NBEA: variants seen among roughly 807,000 people sequenced by gnomAD.
NBEA encodes lysosomal-trafficking regulator 2.
A neutral mutation model predicts 343.4 loss-of-function variants in NBEA; 44 were observed. That is an observed-to-expected ratio of 0.13 (90% confidence interval 0.10 to 0.16). NBEA has a LOEUF of 0.16. Among genes scored for constraint, NBEA ranks in the 10% least tolerant of loss-of-function variants. The probability of loss-of-function intolerance (pLI) is 1.00; values close to 1 mark genes in which losing one functional copy is unlikely to be tolerated. For missense variants in NBEA, 2,555 were observed against 3,631.3 expected (o/e 0.70, Z 7.62); for synonymous variants, 1,175 against 1,238.7 (o/e 0.95, Z 1.08).
chr13:35,277,609 G>GCA (rs2034691725), intron 34 of NBEA, among the ~76,000 whole-genome samples: 8 of 19,316 alleles, frequency 4.1e-4, no homozygotes, highest in Admixed American at 1.5e-3. Flanking sequence ...CAACAAGAAA[G>GCA]AAACTCCGTC....
chr13:35,654,368 C>T (rs540345421), intron 53 of NBEA, among the ~76,000 whole-genome samples: 10 of 152,314 alleles, frequency 6.6e-5, no homozygotes, highest in East Asian at 1.9e-4. Flanking sequence ...GGGCTGCCCA[C>T]GTAACAACAT....
intron 33 of NBEA, among the ~76,000 whole-genome samples, chr13:35,222,082 T>A (rs2152762216): frequency 6.6e-6 from 1 of 152,252 alleles, no homozygotes; most frequent in East Asian, 1.9e-4. Flanking sequence ...TTTATATAGT[T>A]ATTGTGTTTA....
chr13:35,319,105 G>A (rs2152839088), intron 36 of NBEA, among the ~76,000 whole-genome samples: 1 of 152,198 alleles, frequency 6.6e-6, no homozygotes, highest in African/African-American at 2.4e-5. Context: ...ATCTCCTACA[G>A]TTCTGCTCTG....
At chr13:35,367,274 C>T (rs549549603) in intron 38 of NBEA, among the ~76,000 whole-genome samples, 1 of 151,138 alleles carries the variant, frequency 6.6e-6, no homozygotes, top group Non-Finnish European at 1.5e-5. Context: ...AACAATATTA[C>T]TATGATGTAT....
At chr13:34,969,725 A>C (rs2059939898) in intron 1 of NBEA, among the ~76,000 whole-genome samples, 1 of 151,384 alleles carries the variant, frequency 6.6e-6, no homozygotes, top group South Asian at 2.1e-4. Flanking sequence ...ACATTATCTC[A>C]TTCTTTTTTA....
At chr13:34,989,373 G>A (rs889822181) in intron 1 of NBEA, among the ~76,000 whole-genome samples, 1 of 150,990 alleles carries the variant, frequency 6.6e-6, no homozygotes, top group African/African-American at 2.4e-5. Flanking sequence ...TTCACAGGGT[G>A]TACAGGAAGC....
chr13:35,664,841 C>T (rs1409393741), intron 55 of NBEA, among the ~76,000 whole-genome samples: 2 of 152,220 alleles, frequency 1.3e-5, no homozygotes, highest in South Asian at 2.1e-4. Flanking sequence ...ACTCTCGTTA[C>T]GTTCTAAGCA....
chr13:35,232,837 A>G (rs1204266222), intron 34 of NBEA, among the ~76,000 whole-genome samples: 2 of 152,084 alleles, frequency 1.3e-5, no homozygotes, highest in Non-Finnish European at 2.9e-5. Flanking sequence ...AAGATGAAGA[A>G]CGTTGAAAAG....
intron 17 of NBEA, among the ~76,000 whole-genome samples, chr13:35,125,053 A>G (rs1349424809): frequency 2.6e-5 from 4 of 152,194 alleles, no homozygotes; most frequent in Non-Finnish European, 4.4e-5. Flanking sequence ...AACTCAGTTA[A>G]TACAAAATTA....
intron 1 of NBEA, among the ~76,000 whole-genome samples, chr13:35,025,159 G>A (rs909684593): frequency 6.6e-6 from 1 of 152,112 alleles, no homozygotes; most frequent in African/African-American, 2.4e-5. Flanking sequence ...CTTTTGCTGT[G>A]CAGAAGCTCT....
intron 35 of NBEA, among the ~76,000 whole-genome samples, chr13:35,306,354 T>A (rs1373458273): frequency 6.6e-6 from 1 of 152,118 alleles, no homozygotes; most frequent in East Asian, 1.9e-4. Flanking sequence ...CTAAAATTCC[T>A]ATTTACTAGA....
At chr13:35,284,851 A>G (rs1566566304) in intron 34 of NBEA, among the ~76,000 whole-genome samples, 1 of 152,178 alleles carries the variant, frequency 6.6e-6, no homozygotes, top group South Asian at 2.1e-4. Context: ...AAGTAAAAGA[A>G]TAGTAGAAAA....
chr13:35,489,883 G>A (rs1204064673), intron 41 of NBEA, among the ~76,000 whole-genome samples: 1 of 151,856 alleles, frequency 6.6e-6, no homozygotes, highest in Non-Finnish European at 1.5e-5. Flanking sequence ...AAGGAAATCT[G>A]AAGTTTAAAA....
At chr13:35,111,560 A>C (rs1371612995) in intron 13 of NBEA, among the ~76,000 whole-genome samples, 1 of 152,068 alleles carries the variant, frequency 6.6e-6, no homozygotes, top group Non-Finnish European at 1.5e-5. Flanking sequence ...ATATATAAAA[A>C]TATTTAAACT....
chr13:34,958,543 GTAA>G (rs770385819), intron 1 of NBEA, among the ~76,000 whole-genome samples: 4 of 140,492 alleles, frequency 2.8e-5, no homozygotes, highest in Admixed American at 7.0e-5. Context: ...TGAAGAAATA[GTAA>G]TAATAGGATA....
Position 35,452,186 on chromosome 13 carries a change from C to G in NBEA, c.6399C>G (p.Asp2133Glu), listed in dbSNP as rs375169378. 1.2e-6 allele frequency: 2 copies of G among 1,604,426 alleles called. No homozygotes were observed. The highest frequency in any genetic ancestry group is 1.7e-6 in the Non-Finnish European group (2 of 1,174,614). The change falls in exon 40 of 59, where the codon GAC becomes GAG. Residue 2133 changes from aspartate (D) to glutamate (E), a missense_variant. By Grantham distance (45) the Asp-to-Glu change is conservative (BLOSUM62 2). Transcript: ENST00000379939. ...AGACAGAACTTATGCTGGAAGGAGA[C>G]GATGATGCAGTCAGTCTGCTACAGG... Reference protein sequence around the residue: ...NAETELMLEGDDDAVSLLQEK... With the variant: ...NAETELMLEGEDDAVSLLQEK...
chr13:35,114,411 A>C (rs1326425695), intron 13 of NBEA, among the ~76,000 whole-genome samples: 1 of 152,152 alleles, frequency 6.6e-6, no homozygotes, highest in Non-Finnish European at 1.5e-5. Flanking sequence ...CAGTGTTTTG[A>C]TACACACGGC....
At chr13:35,058,606 T>C (rs2063351801) in intron 7 of NBEA, 111 bp from the exon 8 acceptor site, 11 of 840,366 alleles carry the variant, frequency 1.3e-5, no homozygotes, top group Non-Finnish European at 2.0e-5. Context: ...TGCTTTCTTC[T>C]ATTATTATTG....
At chr13:35,046,924 T>G (rs2152561713) in intron 4 of NBEA, among the ~76,000 whole-genome samples, 1 of 152,210 alleles carries the variant, frequency 6.6e-6, no homozygotes, top group Middle Eastern at 3.4e-3. Context: ...TTGGCCATTC[T>G]TATGTCTTCA....
Sources: gnomAD v4.1 joint callset for allele counts (sites outside exome capture counted in the v4.1 genomes callset) on GRCh38, gnomAD v4.1.1 for gene constraint, MANE v1.5 for transcripts, NCBI Gene and HGNC (gene_info 2026-07-23, HGNC 2026-07-21) for gene names.